Variants in IL34 observed in about 807,000 individuals in gnomAD.
The protein encoded by IL34 is interleukin 34, also known as interleukin-34.
In IL34, 17 loss-of-function variants were observed where a neutral mutation model predicts 25.3. The ratio of observed to expected loss-of-function variants is 0.67; its 90% CI spans 0.46 to 1.01. The LOEUF (loss-of-function observed/expected upper bound fraction) is 1.01. IL34 is among the 50% of genes least tolerant of loss of function. The pLI, the probability that IL34 is intolerant of heterozygous loss-of-function variation, is 0.00. For missense variants in IL34, 368 were observed against 312.9 expected (o/e 1.18, Z -1.33); for synonymous variants, 174 against 140.9 (o/e 1.23, Z -1.66).
At position 70,611,957 on chromosome 16, in the gene IL34, A is replaced by T. The variant is rs552913722; in HGVS notation, c.-401+31908A>T. ...GATTGGAGGATTGCCTGAGCCCAGG[A>T]GGTCAAGGATGCAGTGAGCCATGAT... On this transcript the variant is annotated intron_variant, in intron 1 of 6. Transcript: ENST00000429149. 4.6e-5 allele frequency among the ~76,000 whole-genome samples: 7 copies of T among 152,306 alleles called. No individual in the cohort carries two copies. The South Asian group carries it at 1.5e-3, about 32-fold the overall frequency.
At chr16:70,628,358 T>C (rs1297803584) in intron 1 of IL34, among the ~76,000 whole-genome samples, 1 of 152,156 alleles carries the variant, frequency 6.6e-6, no homozygotes, top group African/African-American at 2.4e-5. Context: ...TTGTTTACAG[T>C]TTTTTAGTAT....
chr16:70,621,323 C>T (rs1168330778), intron 1 of IL34, among the ~76,000 whole-genome samples: 2 of 151,920 alleles, frequency 1.3e-5, no homozygotes, highest in African/African-American at 2.4e-5. Context: ...TTTGGGTCCA[C>T]GGATAAAACA....
upstream of IL34, among the ~76,000 whole-genome samples, chr16:70,642,988 TTAAA>T (rs1367844159): frequency 2.0e-5 from 3 of 152,190 alleles, no homozygotes; most frequent in Non-Finnish European, 1.5e-5. Flanking sequence ...TGTTCTGTAA[TTAAA>T]TAATGGTGAC....
rs932090107 is a variant in IL34 at position 70,659,734 on chromosome 16, G to C, written c.519G>C (p.Glu173Asp). 6.2e-6 allele frequency: 10 copies of C among 1,605,432 alleles called. No individual in the cohort carries two copies. The highest frequency in any genetic ancestry group is 8.5e-6 in the Non-Finnish European group (10 of 1,175,836). The change falls in exon 5 of 6, where the codon GAG (glutamate) becomes GAC (aspartate). Residue 173 changes from glutamate to aspartate, a missense_variant. By Grantham distance (45) the Glu-to-Asp change is conservative. Transcript: ENST00000288098. Reference sequence around the variant, plus strand: ...TGGACAACTGCTTCCGGGTCATGGAGCTGCTGTACTGCTCCTGCTGTAAGG... The same window carrying C: ...TGGACAACTGCTTCCGGGTCATGGACCTGCTGTACTGCTCCTGCTGTAAGG... Reference protein sequence around the residue: ...ALLDNCFRVMELLYCSCCKQS... With the variant: ...ALLDNCFRVMDLLYCSCCKQS...
chr16:70,593,623 C>T (rs566342036), intron 1 of IL34, among the ~76,000 whole-genome samples: 10 of 152,124 alleles, frequency 6.6e-5, no homozygotes, highest in Admixed American at 2.6e-4. Flanking sequence ...CTCAAGTGAT[C>T]CTCCCACCTC....
upstream of IL34, among the ~76,000 whole-genome samples, chr16:70,641,883 A>T (rs1044387683): frequency 1.3e-5 from 2 of 152,192 alleles, no homozygotes; most frequent in African/African-American, 2.4e-5. Context: ...TAATAATTTC[A>T]AAATGACACT....
intron 4 of IL34, 55 bp from the exon 5 acceptor site, chr16:70,659,563 C>T (rs904092613): frequency 3.3e-5 from 52 of 1,555,158 alleles, no homozygotes; most frequent in Non-Finnish European, 4.5e-5. Flanking sequence ...CCTCACGGCT[C>T]TCCTGGGGTG....
chr16:70,636,766 TCAAA>T (rs1455198392), intron 1 of IL34, among the ~76,000 whole-genome samples: 1 of 138,242 alleles, frequency 7.2e-6, no homozygotes. Context: ...AAACCCTGTC[TCAAA>T]CAAACAAAAC....
chr16:70,660,239 A>G lies in IL34; in HGVS notation c.*52A>G. The stretch of plus-strand genomic sequence containing the variant: ...GGGCAGCCAGACCAGCTCCCACAGG[A>G]GTTCAACTGGGTCTGAGACTTCAAG... On this transcript the variant is annotated 3_prime_UTR_variant, in exon 6 of 6. Transcript: ENST00000288098. 6.8e-7 allele frequency: 1 copy of G among 1,472,714 alleles called. No individual in the cohort carries two copies. The allele number at this position is 1,472,714 out of a possible 1,614,324, so 91.2% of individuals were successfully genotyped here. A position where few individuals can be genotyped will look rare whatever the true frequency, so the allele number is the denominator to read the frequency against.
chr16:70,637,529 A>G (rs2051682762), intron 1 of IL34, among the ~76,000 whole-genome samples: 1 of 151,920 alleles, frequency 6.6e-6, no homozygotes, highest in Non-Finnish European at 1.5e-5. Flanking sequence ...ATTTTAGTAG[A>G]GACGGGGTTT....
intron 1 of IL34, among the ~76,000 whole-genome samples, chr16:70,637,643 C>G (rs1225970701): frequency 6.6e-6 from 1 of 152,110 alleles, no homozygotes; most frequent in Non-Finnish European, 1.5e-5. Context: ...CCGCGCCTGG[C>G]CAAGTTAATT....
At chr16:70,596,562 C>A (rs1276201163) in intron 1 of IL34, among the ~76,000 whole-genome samples, 1 of 152,154 alleles carries the variant, frequency 6.6e-6, no homozygotes, top group Non-Finnish European at 1.5e-5. Context: ...ACACTGGCAT[C>A]CCATTTCCCA....
intron 1 of IL34, among the ~76,000 whole-genome samples, chr16:70,607,172 G>C (rs72792820): frequency 0.06 from 9,170 of 152,202 alleles, 346 homozygotes; most frequent in South Asian, 0.13. Context: ...CTCGATCTCT[G>C]CTCACTGCAA....
chr16:70,612,313 ACTGGGGG>A (rs560548899), intron 1 of IL34, among the ~76,000 whole-genome samples: 12 of 150,664 alleles, frequency 8.0e-5, no homozygotes, highest in South Asian at 2.1e-4. Context: ...GCCTGAAAGC[ACTGGGGG>A]CTGGGGGCTG....
intron 1 of IL34, among the ~76,000 whole-genome samples, chr16:70,622,495 A>G (rs2051303576): frequency 6.6e-6 from 1 of 151,816 alleles, no homozygotes; most frequent in South Asian, 2.1e-4. Context: ...CTTGTACTAT[A>G]GCATAGCCTG....
chr16:70,626,294 A>G (rs569992262), intron 1 of IL34, among the ~76,000 whole-genome samples: 2 of 152,000 alleles, frequency 1.3e-5, no homozygotes, highest in African/African-American at 2.4e-5. Flanking sequence ...TTTTATTTCT[A>G]TGGAGTCAAA....
chr16:70,659,931 G>GT, intron 5 of IL34, 66 bp from the exon 6 acceptor site: 1 of 1,502,840 alleles, frequency 6.7e-7, no homozygotes, highest in African/African-American at 1.4e-5. Flanking sequence ...CATGCGGCTT[G>GT]GCTTAGTGGG....
intron 1 of IL34, among the ~76,000 whole-genome samples, chr16:70,581,908 C>A (rs1171869928): frequency 6.6e-6 from 1 of 150,462 alleles, no homozygotes; most frequent in Non-Finnish European, 1.5e-5. Flanking sequence ...CATGGTGAAA[C>A]CCTGTCTCTA....
rs192337001 is a variant in IL34, at chr16:70,646,963, A to C, written c.16A>C (p.Thr6Pro). ...GAACACCACCATGCCCCGGGGCTTC[A>C]CCTGGCTGCGCTGTGAGTACTGGGG... MPRGF[T>P]WLRYLGIFLG... The change falls in exon 1 of 6, where the codon ACC becomes CCC. Residue 6 changes from threonine (T) to proline (P), a missense_variant. Transcript: ENST00000288098. The C allele has an allele frequency of 2.0e-5, 29 of 1,465,548 alleles. No homozygotes were observed. The East Asian group carries it at 7.6e-4, about 38-fold the overall frequency. 90.8% of individuals were successfully genotyped at this position (1,465,548 alleles called of 1,614,324 possible).
Sources: allele counts gnomAD v4.1 joint callset (sites outside exome capture counted in the v4.1 genomes callset), GRCh38; gene constraint gnomAD v4.1.1; transcripts MANE v1.5; gene names NCBI Gene and HGNC (gene_info 2026-07-23, HGNC 2026-07-21).